CHRM2: variants seen among roughly 807,000 people sequenced by gnomAD.
CHRM2 encodes muscarinic acetylcholine receptor M2.
A neutral mutation model predicts 25.0 loss-of-function variants in CHRM2; 8 were observed. The ratio of observed to expected loss-of-function variants is 0.32; its 90% CI spans 0.19 to 0.58. CHRM2 has a LOEUF of 0.58. Ranked by LOEUF, CHRM2 falls within the 20% of genes least tolerant of loss-of-function variation. The pLI is 0.88. For synonymous variants in CHRM2, 202 were observed against 205.7 expected, an observed-to-expected ratio of 0.98 and a Z score of 0.15; for missense variants, 440 against 567.1, an observed-to-expected ratio of 0.78 and a Z score of 2.28.
rs142721983 is a variant in CHRM2 at position 136,934,806 on chromosome 7, A to G, written c.-124-57381A>G. Among the ~76,000 whole-genome samples, 721 of 152,120 alleles carry G rather than the reference A, an allele frequency of 4.7e-3. 5 individuals carry two copies. Among genetic ancestry groups the G allele is most frequent in the African/African-American group, 0.017 (692 of 41,556 alleles). ...TAGAAGAGTTCTGTAAGCTTGCTAA[A>G]CAAAAGATTAATATGCAAAAAGAAA... On this transcript the variant is annotated intron_variant, in intron 2 of 3. Coordinates refer to ENST00000680005, the MANE Select transcript of CHRM2 (RefSeq NM_001006630.2).
chr7:137,015,032 C>T lies in CHRM2; in HGVS notation c.167C>T (p.Thr56Ile). The T allele has an allele frequency of 1.2e-6, 2 of 1,613,408 alleles. No individual in the cohort carries two copies. Among genetic ancestry groups the T allele is most frequent in the Non-Finnish European group, 1.7e-6 (2 of 1,179,592 alleles). Residue 56 changes from threonine to isoleucine, a missense_variant, in exon 4 of 4, where the codon ACC (threonine) becomes ATC (isoleucine). Transcript: ENST00000680005. This position sits in a 1 kb window ranked among gnomAD's most constrained non-coding sequence, Gnocchi z 5.1. ...ATTAAAGTCAACCGCCACCTCCAGA[C>T]CGTCAACAATTACTTTTTATTCAGC... is the stretch of plus-strand genomic sequence containing the variant. ...VSIKVNRHLQ[T>I]VNNYFLFSLA...
At chr7:136,967,809 A>T (rs1801510362) in intron 2 of CHRM2, among the ~76,000 whole-genome samples, 8 of 152,026 alleles carry the variant, frequency 5.3e-5, no homozygotes, top group Admixed American at 4.6e-4. Flanking sequence ...TGAAACTACA[A>T]TTAGGGTCTG....
At chr7:136,875,932 T>C (rs1424572) in intron 2 of CHRM2, among the ~76,000 whole-genome samples, 38,443 of 152,062 alleles carry the variant, frequency 0.25, 6,279 homozygotes, top group East Asian at 0.64. Context: ...ATTATTATTA[T>C]AATACTAACA....
intron 2 of CHRM2, among the ~76,000 whole-genome samples, chr7:136,965,430 T>A (rs1360380670): frequency 6.6e-6 from 1 of 152,082 alleles, no homozygotes; most frequent in Non-Finnish European, 1.5e-5. Context: ...ATTGGTGAAA[T>A]TAAAGCCAAA....
chr7:136,988,787 T>C (rs929270801), intron 2 of CHRM2, among the ~76,000 whole-genome samples: 2 of 152,168 alleles, frequency 1.3e-5, no homozygotes, highest in African/African-American at 4.8e-5. Context: ...CTTGTCCTGA[T>C]TATAGGCTGT....
chr7:137,015,568 C>G lies in CHRM2; in HGVS notation c.703C>G (p.Leu235Val). 6.2e-7 allele frequency: 1 copy of G among 1,612,876 alleles called. No homozygotes were observed. The highest frequency in any genetic ancestry group is 8.5e-7 in the Non-Finnish European group (1 of 1,179,508). ...VANQDPVSPS[L>V]VQGRIVKPNN... is the part of the protein sequence containing the mutation. The stretch of plus-strand genomic sequence containing the variant: ...CAACCAAGACCCCGTTTCTCCAAGT[C>G]TGGTACAAGGAAGGATAGTGAAGCC... Residue 235 changes from leucine to valine, a missense_variant, in exon 4 of 4, where the codon CTG becomes GTG. Physicochemically the swap from Leu to Val is conservative, Grantham distance 32. This residue lies in a region of CHRM2 where 261 missense variants were observed against 261.8 expected (regional missense o/e 1.00). Coordinates refer to ENST00000680005, the MANE Select transcript of CHRM2 (RefSeq NM_001006630.2). This position sits in a 1 kb window ranked among gnomAD's most constrained non-coding sequence, Gnocchi z 5.1.
At chr7:136,944,596 A>G (rs775383306) in intron 2 of CHRM2, among the ~76,000 whole-genome samples, 5 of 152,058 alleles carry the variant, frequency 3.3e-5, no homozygotes, top group Non-Finnish European at 5.9e-5. Context: ...GACTGGTTCC[A>G]TATTTTTGCA....
intron 2 of CHRM2, among the ~76,000 whole-genome samples, chr7:136,947,318 G>GT (rs1800130240): frequency 6.6e-6 from 1 of 151,850 alleles, no homozygotes; most frequent in Admixed American, 6.6e-5. Flanking sequence ...TTTTCCTTAA[G>GT]TTTTCTCATT....
At chr7:137,011,783 C>T (rs1211252528) in intron 3 of CHRM2, among the ~76,000 whole-genome samples, 2 of 152,062 alleles carry the variant, frequency 1.3e-5, no homozygotes, top group African/African-American at 4.8e-5. Flanking sequence ...CAAATAAAAG[C>T]AGTAACAAGG....
At chr7:136,903,793 T>C (rs1362677808) in intron 2 of CHRM2, among the ~76,000 whole-genome samples, 1 of 151,950 alleles carries the variant, frequency 6.6e-6, no homozygotes, top group African/African-American at 2.4e-5. Flanking sequence ...TTTTAATAAC[T>C]CTACTAGTGT....
intron 2 of CHRM2, among the ~76,000 whole-genome samples, chr7:136,917,400 T>C (rs34777519): frequency 0.22 from 33,991 of 151,936 alleles, 4,964 homozygotes; most frequent in Non-Finnish European, 0.32. Flanking sequence ...TGTTGGTTCA[T>C]AACAGTGTGA....
intron 2 of CHRM2, among the ~76,000 whole-genome samples, chr7:136,917,507 A>G (rs1320132050): frequency 6.6e-6 from 1 of 152,002 alleles, no homozygotes; most frequent in Non-Finnish European, 1.5e-5. Context: ...TCAACGGGCT[A>G]TGTCTCCCAG....
rs571860543 is a variant in CHRM2, at chr7:136,911,967, T to A, written c.-125+42549T>A. Among the ~76,000 whole-genome samples, 3 of 152,052 alleles carry A rather than the reference T, an allele frequency of 2.0e-5. No individual in the cohort carries two copies. The South Asian group carries it at 6.2e-4, about 31-fold the overall frequency. On this transcript the variant is annotated intron_variant, in intron 2 of 3. Coordinates refer to ENST00000680005, the MANE Select transcript of CHRM2 (RefSeq NM_001006630.2). Reference sequence around the variant, plus strand: ...ATATTTAAAAAGTTATTTCTATGGATAATACTTTCAAAAAATAAATTAAGA... The same window carrying A: ...ATATTTAAAAAGTTATTTCTATGGAAAATACTTTCAAAAAATAAATTAAGA...
At chr7:136,971,046 C>T (rs1801733699) in intron 2 of CHRM2, among the ~76,000 whole-genome samples, 1 of 152,182 alleles carries the variant, frequency 6.6e-6, no homozygotes, top group Non-Finnish European at 1.5e-5. Context: ...CAATAATAAA[C>T]ACTGAATAAA....
chr7:136,969,929 A>G (rs1801653913), intron 2 of CHRM2, among the ~76,000 whole-genome samples: 1 of 152,160 alleles, frequency 6.6e-6, no homozygotes, highest in Non-Finnish European at 1.5e-5. Context: ...TGGGAAGTCC[A>G]AGATCATGGT....
chr7:137,002,886 T>C (rs954389912), intron 3 of CHRM2, among the ~76,000 whole-genome samples: 1 of 152,144 alleles, frequency 6.6e-6, no homozygotes, highest in Non-Finnish European at 1.5e-5. Flanking sequence ...TGCTTAACAG[T>C]CACTATTATC....
intron 2 of CHRM2, among the ~76,000 whole-genome samples, chr7:136,934,712 A>T (rs1302120210): frequency 2.0e-5 from 3 of 152,112 alleles, no homozygotes; most frequent in Non-Finnish European, 4.4e-5. Flanking sequence ...AACTGTCATT[A>T]TTTATAAATA....
chr7:136,990,228 C>A (rs1803128680), intron 2 of CHRM2, among the ~76,000 whole-genome samples: 1 of 152,110 alleles, frequency 6.6e-6, no homozygotes, highest in East Asian at 1.9e-4. Context: ...ATCATTATCA[C>A]CCAAAGTCCA....
At chr7:136,932,039 T>C (rs1009275655) in intron 2 of CHRM2, among the ~76,000 whole-genome samples, 7 of 152,204 alleles carry the variant, frequency 4.6e-5, no homozygotes, top group African/African-American at 1.7e-4. Context: ...TCTGTACCTA[T>C]TTTATTTACT....
Sources: allele counts gnomAD v4.1 joint callset (sites outside exome capture counted in the v4.1 genomes callset), GRCh38; gene constraint gnomAD v4.1.1; regional missense constraint gnomAD v4.1.1; non-coding constraint Gnocchi (gnomAD v3.1); transcripts MANE v1.5; gene names NCBI Gene and HGNC (gene_info 2026-07-23, HGNC 2026-07-21).